Variants in PYGO1 observed in about 807,000 individuals in gnomAD.
PYGO1 encodes the protein pygopus homolog 1.
A neutral mutation model predicts 29.5 loss-of-function variants in PYGO1; 6 were observed. The ratio of observed to expected loss-of-function variants is 0.20; its 90% CI spans 0.11 to 0.40. The LOEUF is 0.40. Ranked by LOEUF, PYGO1 falls within the 10% of genes least tolerant of loss-of-function variation. The pLI is 1.00. For synonymous variants in PYGO1, 186 were observed against 180.5 expected, an observed-to-expected ratio of 1.03 and a Z score of -0.24; for missense variants, 515 against 514.9, an observed-to-expected ratio of 1.00 and a Z score of 0.00.
At chr15:55,573,873 T>C (rs769048249) in intron 1 of PYGO1, among the ~76,000 whole-genome samples, 25 of 152,326 alleles carry the variant, frequency 1.6e-4, no homozygotes, top group Non-Finnish European at 2.1e-4. Flanking sequence ...AATTGAGAAA[T>C]CATAAGAAAG....
intron 1 of PYGO1, among the ~76,000 whole-genome samples, chr15:55,562,690 C>G (rs1399853006): frequency 2.6e-5 from 4 of 151,538 alleles, no homozygotes; most frequent in Admixed American, 2.0e-4. Flanking sequence ...AAAGAAAAAT[C>G]CACACATATG....
At chr15:55,564,967 T>C (rs911346012) in intron 1 of PYGO1, among the ~76,000 whole-genome samples, 2 of 152,206 alleles carry the variant, frequency 1.3e-5, no homozygotes, top group Non-Finnish European at 2.9e-5. Flanking sequence ...TCAGCTCTTA[T>C]CTCCTAGAGA....
intron 1 of PYGO1, among the ~76,000 whole-genome samples, chr15:55,563,978 C>T (rs776474716): frequency 6.6e-6 from 1 of 152,136 alleles, no homozygotes; most frequent in Non-Finnish European, 1.5e-5. Flanking sequence ...ATGGTACAGC[C>T]ACCGTGGAAA....
chr15:55,546,688 C>A lies in PYGO1; in HGVS notation c.595G>T (p.Asp199Tyr), dbSNP rs988814042. ...PQNASQVSNP[D>Y]LASNFVPGNN... is the part of the protein sequence containing the mutation. ...CCAGGAACAAAATTAGATGCCAAAT[C>A]GGGGTTAGAAACTTGGCTAGCATTC... The change falls in exon 3 of 3, where the codon GAT becomes TAT. Residue 199 changes from aspartate (D) to tyrosine (Y), a missense_variant. Asp to Tyr is a radical substitution (Grantham distance 160, BLOSUM62 -3). Coordinates refer to ENST00000563719, the MANE Select transcript of PYGO1 (RefSeq NM_001367806.1). The A allele has an allele frequency of 1.9e-6, 3 of 1,613,764 alleles. No homozygotes were observed. Among genetic ancestry groups the A allele is most frequent in the African/African-American group, 1.3e-5 (1 of 74,850 alleles).
upstream of PYGO1, chr15:55,588,956 AAG>A (rs911893967): frequency 3.4e-5 from 36 of 1,058,432 alleles, no homozygotes; most frequent in Admixed American, 9.2e-5. Flanking sequence ...CTCTTCAAGA[AAG>A]AGCGACGTAG....
chr15:55,586,260 C>T (rs2059045876), intron 1 of PYGO1, among the ~76,000 whole-genome samples: 1 of 152,204 alleles, frequency 6.6e-6, no homozygotes, highest in Non-Finnish European at 1.5e-5. Flanking sequence ...CACCTCCCTA[C>T]TAGTCTCCCC....
At position 55,542,159 on chromosome 15, in the gene PYGO1, T is replaced by C. The variant is rs1216834649; in HGVS notation, c.*3864A>G. Reference sequence around the variant, plus strand: ...ATTAAATACAATTACTATAGTACATTGAACAATAAGTGCTAAAACTCTAAT... The same window carrying C: ...ATTAAATACAATTACTATAGTACATCGAACAATAAGTGCTAAAACTCTAAT... On this transcript the variant is annotated 3_prime_UTR_variant, in exon 3 of 3. Transcript: ENST00000563719. 6.6e-6 allele frequency: 1 copy of C among 152,238 alleles called. No homozygotes were observed. The highest frequency in any genetic ancestry group is 1.5e-5 in the Non-Finnish European group (1 of 68,040). 9.4% of individuals were successfully genotyped at this position (152,238 alleles called of 1,614,324 possible).
At chr15:55,571,840 C>T (rs1427027408) in intron 1 of PYGO1, among the ~76,000 whole-genome samples, 1 of 152,024 alleles carries the variant, frequency 6.6e-6, no homozygotes, top group South Asian at 2.1e-4. Flanking sequence ...CGTAATATGG[C>T]CATATTTTTA....
chr15:55,545,230 A>G lies in PYGO1; in HGVS notation c.*793T>C, dbSNP rs1056807790. The G allele has an allele frequency of 6.6e-6, 1 of 152,242 alleles. No individual in the cohort carries two copies. Among genetic ancestry groups the G allele is most frequent in the African/African-American group, 2.4e-5 (1 of 41,462 alleles). The allele number at this position is 152,242 out of a possible 1,614,324, so 9.4% of individuals were successfully genotyped here. ...TGTGGATACTATAGTATTTCTCTGG[A>G]AAACAATAAACAATAACAAGACAAC... On this transcript the variant is annotated 3_prime_UTR_variant, in exon 3 of 3. Transcript: ENST00000563719.
At chr15:55,587,795 C>T in intron 1 of PYGO1, 40 bp downstream of exon 1, 1 of 1,471,974 alleles carries the variant, frequency 6.8e-7, no homozygotes. Context: ...GCGCACCTCA[C>T]TCACCCCGGT....
At chr15:55,578,914 A>G (rs1371541597) in intron 1 of PYGO1, among the ~76,000 whole-genome samples, 1 of 152,224 alleles carries the variant, frequency 6.6e-6, no homozygotes, top group Non-Finnish European at 1.5e-5. Flanking sequence ...CCTCTAAGAT[A>G]CTAGTTGCCT....
intron 1 of PYGO1, among the ~76,000 whole-genome samples, chr15:55,581,993 G>C (rs2059026885): frequency 1.3e-5 from 2 of 152,014 alleles, no homozygotes; most frequent in Admixed American, 1.3e-4. Context: ...GATCACCTGA[G>C]GTCAGGAGTT....
At chr15:55,585,300 G>A (rs2141681214) in intron 1 of PYGO1, among the ~76,000 whole-genome samples, 1 of 152,122 alleles carries the variant, frequency 6.6e-6, no homozygotes, top group Non-Finnish European at 1.5e-5. Flanking sequence ...CCATTAAAAA[G>A]GTCTGTCTCT....
rs1367192985 is a variant in PYGO1, at chr15:55,543,293, T to TATA, written c.*2729_*2730insTAT. 1 of 152,204 alleles carries TATA rather than the reference T, an allele frequency of 6.6e-6. No homozygotes were observed. Among genetic ancestry groups the TATA allele is most frequent in the African/African-American group, 2.4e-5 (1 of 41,448 alleles). 9.4% of individuals were successfully genotyped at this position (152,204 alleles called of 1,614,324 possible). A position where few individuals can be genotyped will look rare whatever the true frequency, so the allele number is the denominator to read the frequency against. ...GCTATTCTTACAGTTCATCACTTAT[T>TATA]CCATCCAAAAGCATCTATATAACTT... On this transcript the variant is annotated 3_prime_UTR_variant, in exon 3 of 3. Coordinates refer to ENST00000563719, the MANE Select transcript of PYGO1 (RefSeq NM_001367806.1).
At position 55,546,358 on chromosome 15, in the gene PYGO1, G is replaced by T. The variant is rs780628154; in HGVS notation, c.925C>A (p.Gln309Lys). Residue 309 changes from glutamine (Q) to lysine (K), a missense_variant, in exon 3 of 3, where the codon CAA (glutamine) becomes AAA (lysine). Gln to Lys is a moderately conservative substitution (Grantham distance 53). Transcript: ENST00000563719. ...CAGGCATCTGCTGCACCTCTTGGTTGTCGTGGCTTATTCTGCGTCCCATTT... is the reference window on the plus strand; with the variant it reads ...CAGGCATCTGCTGCACCTCTTGGTTTTCGTGGCTTATTCTGCGTCCCATTT... ...PANGTQNKPR[Q>K]PRGAADACTT... 6.2e-6 allele frequency: 10 copies of T among 1,614,092 alleles called. No individual in the cohort carries two copies. Among genetic ancestry groups the T allele is most frequent in the South Asian group, 1.1e-5 (1 of 91,090 alleles).
rs1330680031 is a variant in PYGO1, at chr15:55,539,708, GT to G, written c.*6314del. On this transcript the variant is annotated 3_prime_UTR_variant, in exon 3 of 3. Coordinates refer to ENST00000563719, the MANE Select transcript of PYGO1 (RefSeq NM_001367806.1). Reference sequence around the variant, plus strand: ...ATTATGATACAGTATGGTATCTAGCGTTTTAAAAAATATTAAGTCTGAATCA... The same window carrying G: ...ATTATGATACAGTATGGTATCTAGCGTTTAAAAAATATTAAGTCTGAATCA... 1 of 151,884 alleles carries G rather than the reference GT, an allele frequency of 6.6e-6. No individual in the cohort carries two copies. The highest frequency in any genetic ancestry group is 2.4e-5 in the African/African-American group (1 of 41,412). 9.4% of individuals were successfully genotyped at this position (151,884 alleles called of 1,614,324 possible). A position where few individuals can be genotyped will look rare whatever the true frequency, so the allele number is the denominator to read the frequency against.
In PYGO1 at chr15:55,546,728, A is replaced by G; in HGVS notation, c.555T>C (p.Ser185=). The G allele has an allele frequency of 2.5e-6, 4 of 1,613,992 alleles. No individual in the cohort carries two copies. Among genetic ancestry groups the G allele is most frequent in the Non-Finnish European group, 3.4e-6 (4 of 1,179,894 alleles). Residue 185 remains serine (S), a synonymous_variant, in exon 3 of 3, where the codon AGT becomes AGC. Transcript: ENST00000563719. ...GGCTAGCATTCTGTGGAGGAATTTG[A>G]CTGAAATTTTCAGCAGGATTTTGTC... The part of the protein sequence containing the change: ...HFRQNPAENF[S]QIPPQNASQV...
chr15:55,578,643 T>C (rs1168035709), intron 1 of PYGO1, among the ~76,000 whole-genome samples: 2 of 152,192 alleles, frequency 1.3e-5, no homozygotes, highest in Non-Finnish European at 2.9e-5. Flanking sequence ...ATGGACCATA[T>C]ATATCTTTTC....
chr15:55,551,937 A>G (rs925735585), intron 1 of PYGO1, among the ~76,000 whole-genome samples: 3 of 152,222 alleles, frequency 2.0e-5, no homozygotes, highest in African/African-American at 7.2e-5. Flanking sequence ...TCAGCATATT[A>G]AAATAAATCA....
Sources: gnomAD v4.1 joint callset for allele counts (sites outside exome capture counted in the v4.1 genomes callset) on GRCh38, gnomAD v4.1.1 for gene constraint, MANE v1.5 for transcripts, NCBI Gene and HGNC (gene_info 2026-07-23, HGNC 2026-07-21) for gene names.